The following ATP8B4 variants were observed in gnomAD, a reference collection of about 807,000 sequenced individuals.
The protein encoded by ATP8B4 is probable phospholipid-transporting ATPase IM.
ATP8B4 carries 133 observed loss-of-function variants against 145.6 expected under a neutral mutation model. The observed-to-expected ratio is 0.91, with a 90% CI of 0.79 to 1.05. The LOEUF (loss-of-function observed/expected upper bound fraction) is 1.05, where lower values mean the gene tolerates loss of function less well. ATP8B4 is among the 50% of genes least tolerant of loss of function. The pLI is 0.00. For synonymous variants in ATP8B4, 507 were observed against 492.9 expected (o/e 1.03, Z -0.38); for missense variants, 1,458 against 1,425.2 (o/e 1.02, Z -0.37).
intron 1 of ATP8B4, among the ~76,000 whole-genome samples, chr15:50,176,141 A>G (rs927293322): frequency 3.3e-5 from 5 of 151,920 alleles, no homozygotes; most frequent in Non-Finnish European, 7.4e-5. Context: ...TATACACTAT[A>G]TATAAACATT....
intron 4 of ATP8B4, among the ~76,000 whole-genome samples, 197 bp from the exon 5 acceptor site, chr15:50,044,889 T>C (rs576688556): frequency 3.6e-4 from 55 of 152,242 alleles, no homozygotes; most frequent in Non-Finnish European, 6.8e-4. Flanking sequence ...GTTTTCAAAC[T>C]ACCTAACCAA....
At chr15:50,140,055 C>A (rs1005023789) in intron 1 of ATP8B4, among the ~76,000 whole-genome samples, 1 of 152,100 alleles carries the variant, frequency 6.6e-6, no homozygotes, top group Non-Finnish European at 1.5e-5. Flanking sequence ...TAAAAAACTA[C>A]ATATTGGGTA....
At chr15:50,177,127 A>G (rs34949853) in intron 1 of ATP8B4, among the ~76,000 whole-genome samples, 14,017 of 146,608 alleles carry the variant, frequency 0.096, 819 homozygotes, top group Middle Eastern at 0.16. Context: ...AAACCACTGA[A>G]TGAGTCAGTC....
intron 14 of ATP8B4, among the ~76,000 whole-genome samples, chr15:49,934,565 G>A (rs1567026263): frequency 6.6e-6 from 1 of 152,040 alleles, no homozygotes; most frequent in Non-Finnish European, 1.5e-5. Flanking sequence ...GACCTGGAAT[G>A]TTATGTATTT....
rs2031095442 is a variant in ATP8B4 at position 49,858,568 on chromosome 15, T to C, written c.*1626A>G. On this transcript the variant is annotated 3_prime_UTR_variant, in exon 28 of 28. Transcript: ENST00000284509. ...CTCACTCAAGTGTCACCTGACTCTC[T>C]TGGGAAATGTAACTTTGTCTGACCA... 6.6e-6 allele frequency: 1 copy of C among 152,230 alleles called. No individual in the cohort carries two copies. The highest frequency in any genetic ancestry group is 1.5e-5 in the Non-Finnish European group (1 of 68,046). The allele number at this position is 152,230 out of a possible 1,614,324, so 9.4% of individuals were successfully genotyped here.
intron 6 of ATP8B4, among the ~76,000 whole-genome samples, chr15:50,037,444 C>A (rs1215575999): frequency 6.6e-6 from 1 of 152,120 alleles, no homozygotes; most frequent in African/African-American, 2.4e-5. Flanking sequence ...AGACACTGGG[C>A]CAAGCATTTT....
intron 23 of ATP8B4, among the ~76,000 whole-genome samples, chr15:49,883,887 CAA>C (rs1007374655): frequency 6.6e-6 from 1 of 152,014 alleles, no homozygotes; most frequent in African/African-American, 2.4e-5. Flanking sequence ...CACAATAATA[CAA>C]AAAGTTATGT....
chr15:50,050,940 A>T (rs1044049144), intron 3 of ATP8B4, among the ~76,000 whole-genome samples: 8 of 152,120 alleles, frequency 5.3e-5, no homozygotes, highest in Admixed American at 3.9e-4. Flanking sequence ...TTTTAGGTGA[A>T]CCTACACTGG....
chr15:49,963,487 T>A (rs990223442), intron 13 of ATP8B4, among the ~76,000 whole-genome samples: 2 of 152,062 alleles, frequency 1.3e-5, no homozygotes, highest in Non-Finnish European at 2.9e-5. Context: ...CTAATCACAA[T>A]AGAAAAGACA....
At chr15:49,989,990 G>A (rs949076695) in intron 9 of ATP8B4, among the ~76,000 whole-genome samples, 1 of 152,158 alleles carries the variant, frequency 6.6e-6, no homozygotes, top group African/African-American at 2.4e-5. Flanking sequence ...GAGAGGTTAA[G>A]AGATGAGATG....
chr15:50,087,966 T>G (rs1165316338), intron 2 of ATP8B4, among the ~76,000 whole-genome samples: 1 of 152,150 alleles, frequency 6.6e-6, no homozygotes, highest in Admixed American at 6.5e-5. Context: ...TTTTCTGAAT[T>G]TTGGGATGCT....
chr15:50,101,677 G>A (rs1423100441), intron 2 of ATP8B4, among the ~76,000 whole-genome samples: 6 of 151,946 alleles, frequency 3.9e-5, no homozygotes, highest in Admixed American at 1.3e-4. Flanking sequence ...AGCACTAGAC[G>A]GGTCATCAAG....
At chr15:50,021,179 T>A (rs554179034) in intron 6 of ATP8B4, among the ~76,000 whole-genome samples, 18 of 151,152 alleles carry the variant, frequency 1.2e-4, no homozygotes, top group African/African-American at 4.4e-4. Flanking sequence ...TAATTCTACT[T>A]CTGTTTATGT....
intron 5 of ATP8B4, among the ~76,000 whole-genome samples, chr15:50,040,410 C>A (rs1210947909): frequency 6.6e-6 from 1 of 152,192 alleles, no homozygotes; most frequent in African/African-American, 2.4e-5. Flanking sequence ...TCCTTGCCCA[C>A]ACCCTTTGTG....
At chr15:50,073,994 A>G (rs1225317325) in intron 3 of ATP8B4, 133 bp downstream of exon 3, 9 of 628,914 alleles carry the variant, frequency 1.4e-5, no homozygotes, top group Non-Finnish European at 2.2e-5. Context: ...ATGGAAATAT[A>G]TGTCACCTTG....
intron 14 of ATP8B4, among the ~76,000 whole-genome samples, chr15:49,945,867 T>C (rs986789685): frequency 6.6e-6 from 1 of 152,120 alleles, no homozygotes; most frequent in African/African-American, 2.4e-5. Flanking sequence ...ATAAAGTCCA[T>C]ATATGAAAAA....
chr15:50,007,733 T>C (rs1450996585), intron 7 of ATP8B4, among the ~76,000 whole-genome samples: 1 of 152,164 alleles, frequency 6.6e-6, no homozygotes, highest in Non-Finnish European at 1.5e-5. Context: ...ATAAGCTCTC[T>C]GAAGCCCCTG....
intron 2 of ATP8B4, among the ~76,000 whole-genome samples, chr15:50,085,686 T>C (rs1468704010): frequency 6.6e-6 from 1 of 151,066 alleles, no homozygotes; most frequent in Non-Finnish European, 1.5e-5. Flanking sequence ...GTGTAAGATT[T>C]AGTATTCAAC....
In ATP8B4 at chr15:50,136,429, A is replaced by G. The variant is rs118035334; in HGVS notation, c.-42-29421T>C. On this transcript the variant is annotated intron_variant, in intron 1 of 3. Transcript: ENST00000558829. ...AAAACATCCAGGAGAAAAATTAAAA[A>G]GCCAGTCAGTTCACCACTCATACAG... Among the ~76,000 whole-genome samples, 58 of 152,350 alleles carry G rather than the reference A, an allele frequency of 3.8e-4. No individual in the cohort carries two copies. The East Asian group carries it at 0.011, about 28-fold the overall frequency.
Sources: allele counts gnomAD v4.1 joint callset (sites outside exome capture counted in the v4.1 genomes callset), GRCh38; gene constraint gnomAD v4.1.1; transcripts MANE v1.5; gene names NCBI Gene and HGNC (gene_info 2026-07-23, HGNC 2026-07-21).